Variants in LSG1 observed in about 807,000 individuals in gnomAD.
The protein encoded by LSG1 is large 60S subunit nuclear export GTPase 1, also known as large subunit GTPase 1 homolog.
A neutral mutation model predicts 82.6 loss-of-function variants in LSG1; 55 were observed. The ratio of observed to expected loss-of-function variants is 0.67; its 90% CI spans 0.54 to 0.83. The LOEUF (loss-of-function observed/expected upper bound fraction) is 0.83, where lower values mean the gene tolerates loss of function less well. Ranked by LOEUF, LSG1 falls within the 40% of genes least tolerant of loss-of-function variation. The pLI is 0.00. For missense variants in LSG1, 809 were observed against 807.9 expected, an observed-to-expected ratio of 1.00 and a Z score of -0.02; for synonymous variants, 272 against 282.5, an observed-to-expected ratio of 0.96 and a Z score of 0.37.
chr3:194,646,291 C>A, intron 11 of LSG1, 48 bp from the exon 12 acceptor site: 1 of 1,400,630 alleles, frequency 7.1e-7, no homozygotes, highest in South Asian at 1.2e-5. Context: ...CAGAATATCA[C>A]AACAAAGACA....
chr3:194,654,104 C>T (rs181384817), intron 7 of LSG1, among the ~76,000 whole-genome samples: 30 of 151,538 alleles, frequency 2.0e-4, no homozygotes, highest in Middle Eastern at 6.8e-3. Context: ...TTTTTAAAGA[C>T]GGTGGTTGGC....
chr3:194,643,975 G>A (rs189105606), intron 13 of LSG1, among the ~76,000 whole-genome samples: 30 of 152,238 alleles, frequency 2.0e-4, no homozygotes, highest in Non-Finnish European at 3.5e-4. Flanking sequence ...TTCCAGTCAC[G>A]TGAAGTCTCC....
At chr3:194,667,014 G>A (rs1195418926) in intron 2 of LSG1, among the ~76,000 whole-genome samples, 2 of 152,114 alleles carry the variant, frequency 1.3e-5, no homozygotes, top group Non-Finnish European at 2.9e-5. Flanking sequence ...TAGATGCTGA[G>A]AAGTAGAGGT....
Position 194,645,517 on chromosome 3 carries a change from C to CACACACACACAG in LSG1, c.1623+646_1623+647insCTGTGTGTGTGT, listed in dbSNP as rs1560219533. 64 of 58,226 alleles carry CACACACACACAG rather than the reference C, an allele frequency of 1.1e-3. 5 individuals are homozygous for CACACACACACAG. Among genetic ancestry groups the CACACACACACAG allele is most frequent in the Non-Finnish European group, 1.7e-3 (44 of 25,788 alleles). 3.6% of individuals were successfully genotyped at this position (58,226 alleles called of 1,614,324 possible). A position where few individuals can be genotyped will look rare whatever the true frequency, so the allele number is the denominator to read the frequency against. On this transcript the variant is annotated intron_variant, in intron 12 of 13. Coordinates refer to ENST00000265245, the MANE Select transcript of LSG1 (RefSeq NM_018385.3). ...TGCTACACACACACACACACACACA[C>CACACACACACAG]ACACACACACACAGACAGACACACA...
chr3:194,642,185 A>T lies in LSG1; in HGVS notation c.1860T>A (p.Gly620=). 2 of 1,613,864 alleles carry T rather than the reference A, an allele frequency of 1.2e-6. No individual in the cohort carries two copies. The highest frequency in any genetic ancestry group is 3.3e-5 in the Admixed American group (2 of 59,970). Residue 620 remains glycine (G), a synonymous_variant, in exon 14 of 14, where the codon GGT becomes GGA. Coordinates refer to ENST00000265245, the MANE Select transcript of LSG1 (RefSeq NM_018385.3). ...QAVMGYKPGS[G]VVTASTASSE... ...AGCTCGCAGTGGATGCAGTCACTAC[A>T]CCACTCCCGGGCTTGTAACCCATCA...
chr3:194,653,218 A>C, intron 7 of LSG1, 76 bp from the exon 8 acceptor site: 1 of 1,445,600 alleles, frequency 6.9e-7, no homozygotes, highest in Non-Finnish European at 9.5e-7. Context: ...ATGAGTTGTA[A>C]GATGGACAGA....
intron 1 of LSG1, 149 bp from the exon 2 acceptor site, chr3:194,670,284 G>A: frequency 3.0e-6 from 2 of 670,420 alleles, no homozygotes. Flanking sequence ...ATGTTTAAAG[G>A]AACACGTTCT....
Position 194,659,027 on chromosome 3 carries a change from T to TCGAAGTACATGGCCCAGGCACTCCGCTGC in LSG1, c.660_688dup (p.Glu230GlyfsTer15), listed in dbSNP as rs1718866018. On this transcript the variant is annotated frameshift_variant, in exon 7 of 14. Transcript: ENST00000265245. LOFTEE classifies it high-confidence loss of function. The stretch of plus-strand genomic sequence containing the variant: ...GAAAATAACCTTCACATCTTCTTTT[T>TCGAAGTACATGGCCCAGGCACTCCGCTGC]CGAAGTACATGGCCCAGGCACTCCG... 6.2e-7 allele frequency: 1 copy of TCGAAGTACATGGCCCAGGCACTCCGCTGC among 1,614,126 alleles called. No homozygotes were observed. The highest frequency in any genetic ancestry group is 8.5e-7 in the Non-Finnish European group (1 of 1,180,042).
In LSG1 at chr3:194,646,243, T is replaced by C; in HGVS notation, c.1544A>G (p.Tyr515Cys). ...TSEELLTAYG[Y>C]MRGFMTAHGQ... The stretch of plus-strand genomic sequence containing the variant: ...ATGCGCTGTCATGAATCCTCGCATG[T>C]CTGTGGAGAGAAAAGAATTTTGCAA... Residue 515 changes from tyrosine to cysteine, a missense_variant and splice_region_variant, in exon 12 of 14, where the codon TAC (tyrosine) becomes TGC (cysteine). Coordinates refer to ENST00000265245, the MANE Select transcript of LSG1 (RefSeq NM_018385.3). 2.5e-6 allele frequency: 4 copies of C among 1,613,332 alleles called. No individual in the cohort carries two copies. The highest frequency in any genetic ancestry group is 3.4e-6 in the Non-Finnish European group (4 of 1,179,706).
intron 11 of LSG1, among the ~76,000 whole-genome samples, chr3:194,648,181 A>G (rs1190287562): frequency 6.6e-6 from 1 of 151,732 alleles, no homozygotes; most frequent in Non-Finnish European, 1.5e-5. Context: ...GAATTGGGAT[A>G]AAACACAGAG....
intron 5 of LSG1, 74 bp downstream of exon 5, chr3:194,665,483 G>T: frequency 9.6e-7 from 1 of 1,044,866 alleles, no homozygotes. Flanking sequence ...GAGCCTATAA[G>T]CCTATATCAA....
intron 2 of LSG1, among the ~76,000 whole-genome samples, chr3:194,667,792 G>A (rs898381731): frequency 1.7e-4 from 26 of 150,912 alleles, no homozygotes; most frequent in African/African-American, 5.8e-4. Context: ...GGGTGGTGGT[G>A]CATGCCTGTA....
intron 8 of LSG1, among the ~76,000 whole-genome samples, chr3:194,652,261 C>G (rs1718689783): frequency 6.6e-6 from 1 of 152,164 alleles, no homozygotes; most frequent in Admixed American, 6.6e-5. Flanking sequence ...TCTGCTTTCC[C>G]CTATCTACTA....
rs1452685723 is a variant in LSG1, at chr3:194,644,029, G to GATTATT, written c.1797+543_1797+544insAATAAT. ...CATAAAGATTGATTATTGGTTGGCA[G>GATTATT]GGGCTGGGGGAAAAAAGGGGACAGG... On this transcript the variant is annotated intron_variant, in intron 13 of 13. Coordinates refer to ENST00000265245, the MANE Select transcript of LSG1 (RefSeq NM_018385.3). 2.0e-5 allele frequency among the ~76,000 whole-genome samples: 3 copies of GATTATT among 152,234 alleles called. No individual in the cohort carries two copies. In the East Asian group the frequency reaches 5.8e-4, roughly 29 times the overall value.
Position 194,665,546 on chromosome 3 carries a change from T to C in LSG1, c.521+11A>G, listed in dbSNP as rs1560228832. 2 of 1,597,252 alleles carry C rather than the reference T, an allele frequency of 1.3e-6. No individual in the cohort carries two copies. The highest frequency in any genetic ancestry group is 1.7e-6 in the Non-Finnish European group (2 of 1,171,168). On this transcript the variant is annotated intron_variant, in intron 5 of 13. Coordinates refer to ENST00000265245, the MANE Select transcript of LSG1 (RefSeq NM_018385.3). ...AATGTCTTTATTACACAAAAGAAAA[T>C]GATAATTCACCTTCTCTCAATGACT...
chr3:194,665,869 T>C (rs1719019795), intron 4 of LSG1, among the ~76,000 whole-genome samples: 1 of 152,232 alleles, frequency 6.6e-6, no homozygotes, highest in Non-Finnish European at 1.5e-5. Context: ...CCTGGAAGTT[T>C]ACCTATCACA....
rs999375804 is a variant in LSG1 at position 194,641,934 on chromosome 3, G to A, written c.*134C>T. On this transcript the variant is annotated 3_prime_UTR_variant, in exon 14 of 14. Transcript: ENST00000265245. ...CCTTGGTCTTGACATGGAGACTGTT[G>A]GGTGCAGCCGTGCTCTGCAAGAGCA... The A allele has an allele frequency of 1.1e-5, 10 of 896,796 alleles. No individual in the cohort carries two copies. The highest frequency in any genetic ancestry group is 1.0e-4 in the African/African-American group (6 of 59,590). The allele number at this position is 896,796 out of a possible 1,614,324, so 55.6% of individuals were successfully genotyped here. A position where few individuals can be genotyped will look rare whatever the true frequency, so the allele number is the denominator to read the frequency against.
At chr3:194,669,978 T>C (rs952739268) in intron 2 of LSG1, 31 bp downstream of exon 2, 4 of 1,593,978 alleles carry the variant, frequency 2.5e-6, no homozygotes, top group Non-Finnish European at 3.4e-6. Flanking sequence ...AATGTGACAG[T>C]CTCACCTGCA....
In LSG1 at chr3:194,640,992, GA is replaced by G. The variant is rs1386548238; in HGVS notation, c.*1075del. 1 of 152,202 alleles carries G rather than the reference GA, an allele frequency of 6.6e-6. No individual in the cohort carries two copies. The highest frequency in any genetic ancestry group is 1.5e-5 in the Non-Finnish European group (1 of 68,116). 9.4% of individuals were successfully genotyped at this position (152,202 alleles called of 1,614,324 possible). On this transcript the variant is annotated 3_prime_UTR_variant, in exon 14 of 14. Transcript: ENST00000265245. ...CTTTGAAGCAACCAGATGTGATGAGGACTCAATATCAGGAGAACAGCACTGA... is the reference window on the plus strand; with the variant it reads ...CTTTGAAGCAACCAGATGTGATGAGGCTCAATATCAGGAGAACAGCACTGA...
Sources: allele counts gnomAD v4.1 joint callset (sites outside exome capture counted in the v4.1 genomes callset), GRCh38; gene constraint gnomAD v4.1.1; transcripts MANE v1.5; gene names NCBI Gene and HGNC (gene_info 2026-07-23, HGNC 2026-07-21).